KLHL15: variants seen among roughly 807,000 people sequenced by gnomAD.
KLHL15 encodes kelch-like protein 15.
A neutral mutation model predicts 29.3 loss-of-function variants in KLHL15; 1 was observed. That is an observed-to-expected ratio of 0.03 (90% CI 0.01 to 0.16). KLHL15 has a LOEUF of 0.16. Ranked by LOEUF, KLHL15 falls within the 10% of genes least tolerant of loss-of-function variation. The pLI is 1.00. For missense variants in KLHL15, 215 were observed against 478.5 expected (o/e 0.45, Z 5.14); for synonymous variants, 212 against 184.5 (o/e 1.15, Z -1.21).
At chrX:24,005,913 G>C (rs1473396779) in intron 3 of KLHL15, 76 bp downstream of exon 3, 2 of 764,855 alleles carry the variant, frequency 2.6e-6, no homozygotes, top group Admixed American at 3.2e-5. Context: ...TCTTAAGTCT[G>C]TGAATCTTAT....
chrX:23,998,551 T>C (rs1413105320), intron 3 of KLHL15, among the ~76,000 whole-genome samples: 2 of 111,767 alleles, frequency 1.8e-5, no homozygotes, highest in African/African-American at 3.3e-5. Flanking sequence ...CTTAGGACCA[T>C]CTTTTTATTT....
chrX:24,020,829 T>C (rs1371703032), intron 2 of KLHL15, among the ~76,000 whole-genome samples: 1 of 112,040 alleles, frequency 8.9e-6, no homozygotes, highest in East Asian at 2.8e-4. Flanking sequence ...TACTGTAATG[T>C]TAGCCTTTCA....
At chrX:24,006,758 T>C (rs1929452154) in intron 2 of KLHL15, 58 bp from the exon 3 acceptor site, 1 of 922,013 alleles carries the variant, frequency 1.1e-6, no homozygotes, top group African/African-American at 2.0e-5. Context: ...GAAGAAAATA[T>C]TAACTTAGAG....
At chrX:24,025,734 G>T (rs1319061691) in intron 1 of KLHL15, among the ~76,000 whole-genome samples, 1 of 108,904 alleles carries the variant, frequency 9.2e-6, no homozygotes, top group Non-Finnish European at 1.9e-5. Flanking sequence ...GGAAGGGGGG[G>T]CGGGGAAGGC....
At chrX:23,999,253 C>T (rs1435547109) in intron 3 of KLHL15, among the ~76,000 whole-genome samples, 1 of 110,041 alleles carries the variant, frequency 9.1e-6, no homozygotes, top group South Asian at 3.9e-4. Context: ...CCCTGTTCCA[C>T]GTCTTCCTTT....
At chrX:24,007,506 AAAATATATATATATATAT>A (rs1419095588) in intron 2 of KLHL15, among the ~76,000 whole-genome samples, 8 of 58,377 alleles carry the variant, frequency 1.4e-4, no homozygotes, top group Non-Finnish European at 2.1e-4. Context: ...AAAAAAAAAA[AAAATATATATATATATAT>A]ATATATATAT....
At chrX:24,007,510 T>A (rs12392059) in intron 2 of KLHL15, among the ~76,000 whole-genome samples, 68 of 49,910 alleles carry the variant, frequency 1.4e-3, no homozygotes, top group African/African-American at 8.1e-3. Flanking sequence ...AAAAAAAAAA[T>A]ATATATATAT....
Position 23,988,018 on chromosome X carries a change from T to C in KLHL15, c.1718A>G (p.Asp573Gly). 8.3e-7 allele frequency: 1 copy of C among 1,211,756 alleles called. No individual in the cohort carries two copies. Among genetic ancestry groups the C allele is most frequent in the Non-Finnish European group, 1.1e-6 (1 of 895,349 alleles). Residue 573 changes from aspartate to glycine, a missense_variant, in exon 4 of 4, where the codon GAT (aspartate) becomes GGT (glycine). Physicochemically the swap from Asp to Gly is moderately conservative, Grantham distance 94 (BLOSUM62 -1). Transcript: ENST00000328046. ...CTTGCAGGGCATCCGAGGGTACTCA[T>C]CTTCCTTCCACTTGTTTTCATCCGG... ...FDPDENKWKE[D>G]EYPRMPCKLD...
intron 2 of KLHL15, among the ~76,000 whole-genome samples, chrX:24,008,366 G>A (rs751060877): frequency 2.7e-5 from 3 of 111,383 alleles, no homozygotes; most frequent in Non-Finnish European, 3.8e-5. Flanking sequence ...TCAGCCTCCC[G>A]AGTAGCTGGG....
In KLHL15 at chrX:23,993,988, C is replaced by T. The variant is rs918122935; in HGVS notation, c.706-4958G>A. Among the ~76,000 whole-genome samples the T allele has an allele frequency of 5.8e-5, 6 of 102,978 alleles. No homozygotes were observed. The East Asian group carries it at 1.8e-3, about 31-fold the overall frequency. 89.4% of individuals were successfully genotyped at this position (102,978 alleles called of 115,157 possible). ...ATAGCTTGAGCCCAGGTTGAGGTTG[C>T]GTGAGCCATGATAGTGCCACTGCAC... is the stretch of plus-strand genomic sequence containing the variant. On this transcript the variant is annotated intron_variant, in intron 3 of 3. Coordinates refer to ENST00000328046, the MANE Select transcript of KLHL15 (RefSeq NM_030624.3).
chrX:23,988,586 C>T lies in KLHL15; in HGVS notation c.1150G>A (p.Val384Ile), dbSNP rs975790215. Residue 384 changes from valine to isoleucine, a missense_variant, in exon 4 of 4, where the codon GTA becomes ATA. By Grantham distance (29) the Val-to-Ile change is conservative (BLOSUM62 3). Coordinates refer to ENST00000328046, the MANE Select transcript of KLHL15 (RefSeq NM_030624.3). ...VGVIGKFIYA[V>I]AGRTRDETFY... ...GTCTCATCTCTGGTTCTGCCTGCTA[C>T]GGCGTAAATAAACTTCCCAATAACA... is the stretch of plus-strand genomic sequence containing the variant. 8 of 1,209,439 alleles carry T rather than the reference C, an allele frequency of 6.6e-6. No homozygotes were observed. The highest frequency in any genetic ancestry group is 3.5e-5 in the South Asian group (2 of 56,678).
rs780855619 is a variant in KLHL15, at chrX:24,008,250, A to AT, written c.-7-1551dup. On this transcript the variant is annotated intron_variant, in intron 2 of 3. Coordinates refer to ENST00000328046, the MANE Select transcript of KLHL15 (RefSeq NM_030624.3). Reference sequence around the variant, plus strand: ...ACAGCGGAATAAACTAATTCAGTCTATTTTTTTGTTTTCGGAGTCTTGCTC... The same window carrying AT: ...ACAGCGGAATAAACTAATTCAGTCTATTTTTTTTGTTTTCGGAGTCTTGCTC... 3.8e-3 allele frequency among the ~76,000 whole-genome samples: 431 copies of AT among 112,190 alleles called. 1 individual carries two copies. The highest frequency in any genetic ancestry group is 0.013 in the African/African-American group (414 of 30,966).
At chrX:24,015,698 C>G (rs528801108) in intron 2 of KLHL15, among the ~76,000 whole-genome samples, 69 of 112,581 alleles carry the variant, frequency 6.1e-4, no homozygotes, top group African/African-American at 2.1e-3. Context: ...CCTCTCTGTG[C>G]TCTAAAATGT....
chrX:24,022,406 G>C (rs1193278974), intron 2 of KLHL15, among the ~76,000 whole-genome samples: 29 of 46,181 alleles, frequency 6.3e-4, no homozygotes, highest in South Asian at 5.5e-3. Context: ...AGCCAAGGCG[G>C]GTAGATCACT....
intron 3 of KLHL15, among the ~76,000 whole-genome samples, chrX:23,995,406 CAAAAAAAAAAA>C (rs144296339): frequency 2.9e-5 from 1 of 34,790 alleles, no homozygotes; most frequent in Non-Finnish European, 5.1e-5. Flanking sequence ...GACTCTGTCT[CAAAAAAAAAAA>C]AAAAAAAAAG....
At chrX:24,004,768 C>G (rs367852211) in intron 3 of KLHL15, among the ~76,000 whole-genome samples, 1 of 96,774 alleles carries the variant, frequency 1.0e-5, no homozygotes, top group Admixed American at 1.2e-4. Context: ...CTAGCCTGGG[C>G]GACAGAGCGA....
chrX:23,996,221 T>C, intron 3 of KLHL15, among the ~76,000 whole-genome samples: 1 of 111,975 alleles, frequency 8.9e-6, no homozygotes, highest in Admixed American at 9.5e-5. Flanking sequence ...TCTCTGGCCC[T>C]TTCTACATCC....
At position 24,010,999 on chromosome X, in the gene KLHL15, G is replaced by A. The variant is rs188301940; in HGVS notation, c.-7-4299C>T. Among the ~76,000 whole-genome samples the A allele has an allele frequency of 7.3e-5, 8 of 110,010 alleles. No homozygotes were observed. In the East Asian group the frequency reaches 1.7e-3, roughly 24 times the overall value. On this transcript the variant is annotated intron_variant, in intron 2 of 3. Coordinates refer to ENST00000328046, the MANE Select transcript of KLHL15 (RefSeq NM_030624.3). ...GCCCTCAGTTGCCAAGAAGGAAAAG[G>A]TGGCATCTATGTACACACTAAAAAG...
intron 3 of KLHL15, among the ~76,000 whole-genome samples, chrX:23,998,874 A>G (rs1230971526): frequency 9.1e-6 from 1 of 110,468 alleles, no homozygotes; most frequent in Non-Finnish European, 1.9e-5. Flanking sequence ...TTTTTCTTCC[A>G]ATTTCTTAAG....
Sources: allele counts gnomAD v4.1 joint callset (sites outside exome capture counted in the v4.1 genomes callset), GRCh38; gene constraint gnomAD v4.1.1; transcripts MANE v1.5; gene names NCBI Gene and HGNC (gene_info 2026-07-23, HGNC 2026-07-21).